Variants in BTBD8 observed in about 807,000 individuals in gnomAD.
BTBD8 encodes the protein BTB/POZ domain-containing protein 8.
A neutral mutation model predicts 162.9 loss-of-function variants in BTBD8; 110 were observed. The observed-to-expected ratio is 0.68, with a 90% CI of 0.58 to 0.79. BTBD8 has a LOEUF of 0.79. BTBD8 is among the 30% of genes least tolerant of loss of function. BTBD8 has a pLI of 0.00. For missense variants in BTBD8, 1,905 were observed against 2,085.4 expected, an observed-to-expected ratio of 0.91 and a Z score of 1.68; for synonymous variants, 667 against 716.1, an observed-to-expected ratio of 0.93 and a Z score of 1.10.
chr1:92,180,959 C>T lies in BTBD8; in HGVS notation c.3276C>T (p.Tyr1092=). Reference sequence around the variant, plus strand: ...TTTATAGCACCACAGCCCTAAAATACATGGTTTCAAATCCAAATGAAAACT... The same window carrying T: ...TTTATAGCACCACAGCCCTAAAATATATGGTTTCAAATCCAAATGAAAACT... ...SKFYSTTALK[Y]MVSNPNENSL... Residue 1092 remains tyrosine, a synonymous_variant, in exon 17 of 18, where the codon TAC becomes TAT. Transcript: ENST00000636805. 1.3e-6 allele frequency: 2 copies of T among 1,551,644 alleles called. No individual in the cohort carries two copies. Among genetic ancestry groups the T allele is most frequent in the Non-Finnish European group, 1.7e-6 (2 of 1,146,956 alleles).
At position 92,166,036 on chromosome 1, in the gene BTBD8, T is replaced by C. The variant is rs948115067; in HGVS notation, c.1123-922T>C. ...GAATAAGAGACAGTAATATATAAGTTGCCTTTTTTCCTTTTCTGTGGAGTA... is the reference window on the plus strand; with the variant it reads ...GAATAAGAGACAGTAATATATAAGTCGCCTTTTTTCCTTTTCTGTGGAGTA... On this transcript the variant is annotated intron_variant, in intron 9 of 17. Transcript: ENST00000636805. Among the ~76,000 whole-genome samples the C allele has an allele frequency of 2.6e-5, 4 of 152,342 alleles. No homozygotes were observed. In the East Asian group the frequency reaches 7.7e-4, roughly 29 times the overall value.
intron 9 of BTBD8, among the ~76,000 whole-genome samples, chr1:92,156,744 C>T (rs1453237075): frequency 6.6e-6 from 1 of 152,058 alleles, no homozygotes; most frequent in Admixed American, 6.6e-5. Context: ...TTATAACAGT[C>T]CCTTATGATC....
Position 92,090,298 on chromosome 1 carries a change from ATTTG to A in BTBD8, c.347+1406_347+1409del, listed in dbSNP as rs550326273. ...TTCAGTTTCTCCACATCCTCGGCAC[ATTTG>A]TTGTTATCTTCTGTATTTTTTTATT... On this transcript the variant is annotated intron_variant, in intron 2 of 17. Coordinates refer to ENST00000636805, the MANE Select transcript of BTBD8 (RefSeq NM_001376131.1). Among the ~76,000 whole-genome samples the A allele has an allele frequency of 2.2e-3, 335 of 152,220 alleles. 2 individuals carry two copies. Among genetic ancestry groups the A allele is most frequent in the African/African-American group, 7.6e-3 (316 of 41,540 alleles).
intron 4 of BTBD8, among the ~76,000 whole-genome samples, chr1:92,112,934 GCTT>G (rs889129177): frequency 3.9e-5 from 6 of 152,176 alleles, no homozygotes; most frequent in African/African-American, 1.2e-4. Flanking sequence ...CTTCTCTAGA[GCTT>G]CTCTGCATAA....
At chr1:92,113,449 A>T (rs891525582) in intron 4 of BTBD8, among the ~76,000 whole-genome samples, 1 of 152,244 alleles carries the variant, frequency 6.6e-6, no homozygotes, top group Non-Finnish European at 1.5e-5. Context: ...TTTGACTCTG[A>T]GTGAAGGAGA....
rs377577295 is a variant in BTBD8 at position 92,137,885 on chromosome 1, G to C, written c.753-1465G>C. On this transcript the variant is annotated intron_variant, in intron 5 of 17. Transcript: ENST00000636805. ...TCTCTAAATTAAATGTTTTATTTGA[G>C]AATCATAGAATTACAATTCAGAGCC... Among the ~76,000 whole-genome samples, 4 of 152,226 alleles carry C rather than the reference G, an allele frequency of 2.6e-5. No individual in the cohort carries two copies. In the South Asian group the frequency reaches 6.2e-4, roughly 24 times the overall value.
chr1:92,153,394 A>AC (rs1650091166), intron 9 of BTBD8, among the ~76,000 whole-genome samples: 1 of 152,140 alleles, frequency 6.6e-6, no homozygotes, highest in Non-Finnish European at 1.5e-5. Flanking sequence ...AGAATATTTA[A>AC]CATGGTATCT....
At chr1:92,139,540 A>AT in intron 6 of BTBD8, 110 bp downstream of exon 6, 1 of 1,410,020 alleles carries the variant, frequency 7.1e-7, no homozygotes, top group Non-Finnish European at 9.2e-7. Flanking sequence ...ATAGTCTATT[A>AT]TACTATATCT....
chr1:92,167,752 A>G (rs1057009445), intron 10 of BTBD8, 96 bp from the exon 11 acceptor site: 2 of 977,060 alleles, frequency 2.0e-6, no homozygotes, highest in Non-Finnish European at 1.5e-6. Context: ...GGTTGACTTC[A>G]TACAGCTAGT....
At chr1:92,106,477 G>C (rs1385836782) in intron 3 of BTBD8, among the ~76,000 whole-genome samples, 2 of 151,046 alleles carry the variant, frequency 1.3e-5, no homozygotes, top group African/African-American at 4.9e-5. Context: ...TGGCTAACAT[G>C]GTGAAACCCC....
chr1:92,125,756 G>C (rs1035048834), intron 4 of BTBD8: 1 of 440,486 alleles, frequency 2.3e-6, no homozygotes, highest in East Asian at 5.8e-5. Context: ...ATGATAATGA[G>C]AGAAGTGATA....
At chr1:92,119,666 G>T (rs1350235583) in intron 4 of BTBD8, among the ~76,000 whole-genome samples, 1 of 142,016 alleles carries the variant, frequency 7.0e-6, no homozygotes, top group Non-Finnish European at 1.5e-5. Flanking sequence ...TCGCTCTGTT[G>T]CCCAGGCTGG....
intron 5 of BTBD8, among the ~76,000 whole-genome samples, chr1:92,134,859 C>G (rs1364734355): frequency 6.6e-6 from 1 of 150,848 alleles, no homozygotes; most frequent in Non-Finnish European, 1.5e-5. Context: ...CACAATGAAG[C>G]AGAGATTTTA....
chr1:92,160,503 CA>C (rs1348157054), intron 9 of BTBD8, among the ~76,000 whole-genome samples: 5 of 152,104 alleles, frequency 3.3e-5, no homozygotes, highest in African/African-American at 1.2e-4. Flanking sequence ...CCTTACTAAT[CA>C]GCCCAGCCAG....
intron 7 of BTBD8, 40 bp from the exon 8 acceptor site, chr1:92,147,140 A>G (rs1649943522): frequency 1.4e-6 from 2 of 1,463,600 alleles, no homozygotes; most frequent in African/African-American, 2.9e-5. Flanking sequence ...GGCTTTGTAA[A>G]TTGAAAAGGA....
At chr1:92,128,463 A>G (rs902678552) in intron 4 of BTBD8, among the ~76,000 whole-genome samples, 3 of 152,022 alleles carry the variant, frequency 2.0e-5, no homozygotes, top group African/African-American at 7.2e-5. Context: ...TGTTTTTGGT[A>G]GAGACAGGGT....
intron 1 of BTBD8, among the ~76,000 whole-genome samples, 180 bp from the exon 2 acceptor site, chr1:92,088,518 T>G (rs1648215329): frequency 6.6e-6 from 1 of 152,180 alleles, no homozygotes; most frequent in Non-Finnish European, 1.5e-5. Flanking sequence ...AAAATTAGGC[T>G]CTAAGCCAAT....
chr1:92,149,911 C>G (rs1052882538), intron 9 of BTBD8, among the ~76,000 whole-genome samples: 30 of 152,198 alleles, frequency 2.0e-4, no homozygotes, highest in Non-Finnish European at 4.1e-4. Flanking sequence ...AGCTGATTCT[C>G]TTGGTGTCAG....
chr1:92,166,831 C>T (rs1650398464), intron 9 of BTBD8, 127 bp from the exon 10 acceptor site: 1 of 850,344 alleles, frequency 1.2e-6, no homozygotes, highest in Non-Finnish European at 1.8e-6. Flanking sequence ...ATAACAAAGA[C>T]ATTAGCTACC....
Sources: allele counts gnomAD v4.1 joint callset (sites outside exome capture counted in the v4.1 genomes callset), GRCh38; gene constraint gnomAD v4.1.1; transcripts MANE v1.5; gene names NCBI Gene and HGNC (gene_info 2026-07-23, HGNC 2026-07-21).